Variants in SHROOM3 observed in about 807,000 individuals in gnomAD.
SHROOM3 encodes shroom family member 3, also known as protein Shroom3.
In SHROOM3, 47 loss-of-function variants were observed where a neutral mutation model predicts 138.6. The observed-to-expected ratio is 0.34, with a 90% CI of 0.27 to 0.43. The LOEUF is 0.43. Ranked by LOEUF, SHROOM3 falls within the 20% of genes least tolerant of loss-of-function variation. The pLI is 1.00. For synonymous variants in SHROOM3, 1,062 were observed against 1,063.3 expected, an observed-to-expected ratio of 1.00 and a Z score of 0.02; for missense variants, 2,491 against 2,596.5, an observed-to-expected ratio of 0.96 and a Z score of 0.88.
intron 3 of SHROOM3, chr4:76,716,522 G>A (rs558731981): frequency 2.3e-6 from 1 of 442,122 alleles, no homozygotes; most frequent in South Asian, 1.8e-5. Context: ...TGTTTATAAA[G>A]AAAAATAACC....
chr4:76,679,548 C>T (rs1719131518), intron 2 of SHROOM3, among the ~76,000 whole-genome samples: 1 of 151,826 alleles, frequency 6.6e-6, no homozygotes, highest in Admixed American at 6.6e-5. Context: ...GTCGTTAAAA[C>T]ATGAATATTT....
chr4:76,675,162 G>C (rs1240970648), intron 2 of SHROOM3, among the ~76,000 whole-genome samples: 1 of 152,174 alleles, frequency 6.6e-6, no homozygotes. Context: ...ATAGACCAGA[G>C]ATAAACAAGG....
chr4:76,756,427 T>A, intron 7 of SHROOM3, 22 bp from the exon 8 acceptor site: 1 of 1,555,224 alleles, frequency 6.4e-7, no homozygotes, highest in Non-Finnish European at 8.7e-7. Flanking sequence ...CTTTTTTTTT[T>A]TTTTTTAAAT....
intron 1 of SHROOM3, among the ~76,000 whole-genome samples, chr4:76,482,588 A>C (rs946569668): frequency 4.6e-5 from 7 of 152,236 alleles, no homozygotes; most frequent in Admixed American, 3.9e-4. Context: ...AGTAATTTAT[A>C]GATCCAATGC....
intron 2 of SHROOM3, among the ~76,000 whole-genome samples, chr4:76,696,336 G>T (rs537755974): frequency 2.6e-5 from 4 of 152,264 alleles, no homozygotes; most frequent in South Asian, 2.1e-4. Context: ...CCTTTGTGTC[G>T]GTTCCCATGG....
Position 76,749,022 on chromosome 4 carries a change from G to C in SHROOM3, c.3759G>C (p.Val1253=). ...SPATADKRQD[V]LLGQDSGFGL... ...TGCCTTTCTTGTGTTTCAAGGATGT[G>C]CTTTTGGGGCAAGACAGTGGCTTTG... Residue 1253 remains valine, a synonymous_variant, in exon 6 of 11, where the codon GTG becomes GTC. Transcript: ENST00000296043. The C allele has an allele frequency of 6.2e-7, 1 of 1,613,824 alleles. No homozygotes were observed. Among genetic ancestry groups the C allele is most frequent in the Non-Finnish European group, 8.5e-7 (1 of 1,179,878 alleles).
chr4:76,620,327 G>A (rs1399029245), intron 2 of SHROOM3, among the ~76,000 whole-genome samples: 1 of 152,094 alleles, frequency 6.6e-6, no homozygotes, highest in East Asian at 1.9e-4. Flanking sequence ...ATAAAGCCAA[G>A]GAGAGCATCC....
At position 76,770,767 on chromosome 4, in the gene SHROOM3, T is replaced by G; in HGVS notation, c.5491T>G (p.Phe1831Val). ...CAGCGAGCTCTGCAAGCCCAATGAG[T>G]TTGACAAGTATAGGATGTTCATAGG... ...LISELCKPNE[F>V]DKYRMFIGDL... is the part of the protein sequence containing the mutation. Residue 1831 changes from phenylalanine to valine, a missense_variant, in exon 10 of 11, where the codon TTT (phenylalanine) becomes GTT (valine). Physicochemically the swap from Phe to Val is conservative, Grantham distance 50. Around this residue, in one of 4 missense-constraint regions of SHROOM3, gnomAD observed 470 missense variants for 595.0 expected, o/e 0.79. Coordinates refer to ENST00000296043, the MANE Select transcript of SHROOM3 (RefSeq NM_020859.4). 6.2e-7 allele frequency: 1 copy of G among 1,613,848 alleles called. No homozygotes were observed. The highest frequency in any genetic ancestry group is 8.5e-7 in the Non-Finnish European group (1 of 1,179,950).
intron 2 of SHROOM3, among the ~76,000 whole-genome samples, chr4:76,567,237 T>A (rs1479685871): frequency 6.6e-6 from 1 of 152,198 alleles, no homozygotes; most frequent in African/African-American, 2.4e-5. Flanking sequence ...GGAGCATTTT[T>A]AAAAGATTCT....
intron 2 of SHROOM3, among the ~76,000 whole-genome samples, chr4:76,635,031 G>A (rs1197601485): frequency 6.6e-6 from 1 of 152,090 alleles, no homozygotes; most frequent in Non-Finnish European, 1.5e-5. Flanking sequence ...TTATGCTGAC[G>A]ATACTGCAGG....
chr4:76,656,416 TTA>T (rs750550362), intron 2 of SHROOM3, among the ~76,000 whole-genome samples: 2 of 152,216 alleles, frequency 1.3e-5, no homozygotes, highest in Non-Finnish European at 2.9e-5. Context: ...TCTCCACTTC[TTA>T]CCTAGACACT....
rs752577169 is a variant in SHROOM3, at chr4:76,754,920, G to A, written c.4437G>A (p.Pro1479=). The change falls in exon 7 of 11, where the codon CCG becomes CCA. Residue 1479 remains proline, a synonymous_variant. Transcript: ENST00000296043. ...ACCCAGACACACCTCTTGGGGCCCC[G>A]AGCACTCCAGGGAGGATCTCCCTCC... ...TSDPDTPLGA[P]STPGRISLRI... 36 of 1,614,004 alleles carry A rather than the reference G, an allele frequency of 2.2e-5. No homozygotes were observed. The highest frequency in any genetic ancestry group is 1.7e-4 in the African/African-American group (13 of 74,900).
intron 1 of SHROOM3, among the ~76,000 whole-genome samples, chr4:76,489,864 G>T (rs1731812971): frequency 6.6e-6 from 1 of 152,156 alleles, no homozygotes; most frequent in South Asian, 2.1e-4. Flanking sequence ...TTTGAACAAA[G>T]AATTGGACAA....
intron 1 of SHROOM3, among the ~76,000 whole-genome samples, chr4:76,465,583 C>G (rs1731234483): frequency 6.6e-6 from 1 of 152,210 alleles, no homozygotes; most frequent in South Asian, 2.1e-4. Flanking sequence ...TCCCCTTTCA[C>G]AGGTGTCAGA....
At position 76,555,503 on chromosome 4, in the gene SHROOM3, G is replaced by A. The variant is rs1733464611; in HGVS notation, c.169-106G>A. 50 of 1,529,154 alleles carry A rather than the reference G, an allele frequency of 3.3e-5. 2 individuals carry two copies. In the South Asian group the frequency reaches 5.8e-4, roughly 18 times the overall value. The allele number at this position is 1,529,154 out of a possible 1,614,324, so 94.7% of individuals were successfully genotyped here. A position where few individuals can be genotyped will look rare whatever the true frequency, so the allele number is the denominator to read the frequency against. On this transcript the variant is annotated intron_variant, in intron 1 of 10. Coordinates refer to ENST00000296043, the MANE Select transcript of SHROOM3 (RefSeq NM_020859.4). ...CAAGCGCTGGGGTGTGGCCCTAGCTGGTCCGTTGGGCTCTGCAGGAGTCTA... is the reference window on the plus strand; with the variant it reads ...CAAGCGCTGGGGTGTGGCCCTAGCTAGTCCGTTGGGCTCTGCAGGAGTCTA...
chr4:76,745,620 A>C (rs1369305644), intron 5 of SHROOM3, among the ~76,000 whole-genome samples: 1 of 152,248 alleles, frequency 6.6e-6, no homozygotes. Context: ...AAATGTGAAG[A>C]TACAAATAGC....
intron 6 of SHROOM3, among the ~76,000 whole-genome samples, chr4:76,749,874 T>C (rs1721564191): frequency 6.6e-6 from 1 of 152,228 alleles, no homozygotes. Context: ...TATGTAGTTT[T>C]AATGCAGCAT....
intron 8 of SHROOM3, among the ~76,000 whole-genome samples, chr4:76,757,836 C>T (rs1421218477): frequency 6.6e-6 from 1 of 152,196 alleles, no homozygotes; most frequent in Non-Finnish European, 1.5e-5. Context: ...GAGTAGCTTT[C>T]ATTTTCTCTT....
At chr4:76,689,076 A>G in intron 2 of SHROOM3, 1 of 469,486 alleles carries the variant, frequency 2.1e-6, no homozygotes. Flanking sequence ...TAAAGTTGAT[A>G]TTTTGCTTTT....
Sources: gnomAD v4.1 joint callset for allele counts (sites outside exome capture counted in the v4.1 genomes callset) on GRCh38, gnomAD v4.1.1 for gene constraint, gnomAD v4.1.1 regional missense constraint, MANE v1.5 for transcripts, NCBI Gene and HGNC (gene_info 2026-07-23, HGNC 2026-07-21) for gene names.